ASIC2: variants seen among roughly 807,000 people sequenced by gnomAD.
The protein encoded by ASIC2 is acid sensing ion channel subunit 2, also known as acid-sensing ion channel 2.
A neutral mutation model predicts 57.3 loss-of-function variants in ASIC2; 25 were observed. That is an observed-to-expected ratio of 0.44 (90% CI 0.32 to 0.61). ASIC2 has a LOEUF of 0.61. Ranked by LOEUF, ASIC2 falls within the 20% of genes least tolerant of loss-of-function variation. ASIC2 has a pLI of 0.06. For synonymous variants in ASIC2, 319 were observed against 307.5 expected, an observed-to-expected ratio of 1.04 and a Z score of -0.39; for missense variants, 641 against 738.1, an observed-to-expected ratio of 0.87 and a Z score of 1.52.
chr17:33,813,753 C>T (rs530700861), intron 1 of ASIC2, among the ~76,000 whole-genome samples: 1 of 152,086 alleles, frequency 6.6e-6, no homozygotes, highest in African/African-American at 2.4e-5. Context: ...AAGTTTTAAA[C>T]AATGAGGGTA....
At chr17:33,380,277 G>GA (rs1368668347) in intron 1 of ASIC2, among the ~76,000 whole-genome samples, 13 of 129,954 alleles carry the variant, frequency 1.0e-4, no homozygotes, top group Non-Finnish European at 1.7e-5. Context: ...AAGAAAGAAA[G>GA]AAAGAAAGAA....
In ASIC2 at chr17:33,407,166, T is replaced by C. The variant is rs567597474; in HGVS notation, c.556-295099A>G. Among the ~76,000 whole-genome samples, 126 of 152,370 alleles carry C rather than the reference T, an allele frequency of 8.3e-4. 1 individual carries two copies. Among genetic ancestry groups the C allele is most frequent in the African/African-American group, 2.9e-3 (122 of 41,592 alleles). On this transcript the variant is annotated intron_variant, in intron 1 of 9. Transcript: ENST00000359872. ...TAATGATAGCAATAGCTGACATTTA[T>C]TGGGCATTCGCCAATGTGTTGGGAA...
chr17:33,709,156 C>G (rs568529696), intron 1 of ASIC2, among the ~76,000 whole-genome samples: 1 of 152,142 alleles, frequency 6.6e-6, no homozygotes, highest in Admixed American at 6.5e-5. Flanking sequence ...AACTCTGTAA[C>G]GCCGTAATCT....
chr17:33,480,762 C>G (rs975999035), intron 1 of ASIC2, among the ~76,000 whole-genome samples: 1 of 152,122 alleles, frequency 6.6e-6, no homozygotes, highest in African/African-American at 2.4e-5. Context: ...TAGAAACCCT[C>G]TACCCCAAAG....
chr17:33,578,382 A>G (rs1195607719), intron 1 of ASIC2, among the ~76,000 whole-genome samples: 2 of 152,136 alleles, frequency 1.3e-5, no homozygotes, highest in African/African-American at 4.8e-5. Flanking sequence ...GACACGTTAA[A>G]CCAGATGATT....
chr17:33,883,027 C>T (rs967308229), intron 1 of ASIC2, among the ~76,000 whole-genome samples: 11 of 152,066 alleles, frequency 7.2e-5, no homozygotes, highest in Non-Finnish European at 1.6e-4. Context: ...TGAAACACCA[C>T]ATGTTCTCAC....
At chr17:33,240,310 T>A (rs568881162) in intron 1 of ASIC2, among the ~76,000 whole-genome samples, 1 of 152,270 alleles carries the variant, frequency 6.6e-6, no homozygotes. Flanking sequence ...ACATCAGACC[T>A]GTGTGAACCT....
chr17:34,070,680 CCCA>C (rs1909365805), intron 1 of ASIC2: 1 of 152,456 alleles, frequency 6.6e-6, no homozygotes, highest in South Asian at 2.1e-4. Flanking sequence ...CTCTCCCACC[CCCA>C]CCACATGGGA....
At chr17:34,124,700 G>A (rs188073543) in intron 1 of ASIC2, among the ~76,000 whole-genome samples, 10 of 152,118 alleles carry the variant, frequency 6.6e-5, no homozygotes, top group African/African-American at 2.4e-4. Context: ...GCTCTTCTTG[G>A]GGGCCCCCTT....
rs185109236 is a variant in ASIC2, at chr17:33,527,925, T to C, written c.556-415858A>G. On this transcript the variant is annotated intron_variant, in intron 1 of 9. Coordinates refer to the ASIC2 transcript ENST00000359872. ...GATTAGATGATCTTTAAGGCCACTT[T>C]CGCTTTGACATTTTCTGTAGGAAGA... is the stretch of plus-strand genomic sequence containing the variant. Among the ~76,000 whole-genome samples, 16 of 152,262 alleles carry C rather than the reference T, an allele frequency of 1.1e-4. No homozygotes were observed. In the East Asian group the frequency reaches 3.1e-3, roughly 29 times the overall value.
intron 1 of ASIC2, among the ~76,000 whole-genome samples, chr17:33,155,178 C>A (rs1904949155): frequency 6.6e-6 from 1 of 152,250 alleles, no homozygotes; most frequent in Admixed American, 6.5e-5. Context: ...GAGCCCAGCG[C>A]CCAACCCCAC....
At chr17:34,079,034 GCCCCTCA>G (rs1909778715) in intron 1 of ASIC2, 3 of 152,172 alleles carry the variant, frequency 2.0e-5, no homozygotes, top group Admixed American at 1.3e-4. Context: ...CCATCTTGGT[GCCCCTCA>G]CCTGGACTCT....
At chr17:33,999,324 ATGTCTTTTGAT>A (rs550443545) in intron 1 of ASIC2, among the ~76,000 whole-genome samples, 32 of 152,120 alleles carry the variant, frequency 2.1e-4, no homozygotes, top group Non-Finnish European at 2.8e-4. Flanking sequence ...TAGTCACTGT[ATGTCTTTTGAT>A]TGGGGCATTT....
At chr17:33,164,099 C>A (rs1419187670) in intron 1 of ASIC2, among the ~76,000 whole-genome samples, 1 of 152,218 alleles carries the variant, frequency 6.6e-6, no homozygotes, top group East Asian at 1.9e-4. Context: ...CCCATGCTGA[C>A]ACACTTTGCT....
In ASIC2 at chr17:33,344,835, T is replaced by C. The variant is rs1907879796; in HGVS notation, c.556-232768A>G. On this transcript the variant is annotated intron_variant, in intron 1 of 9. Coordinates refer to the ASIC2 transcript ENST00000359872. Reference sequence around the variant, plus strand: ...CCATGTCTTAGCTCTGTATTCTTGGTGTCTGGCCTATATAGGGGCCAACAT... The same window carrying C: ...CCATGTCTTAGCTCTGTATTCTTGGCGTCTGGCCTATATAGGGGCCAACAT... Among the ~76,000 whole-genome samples the C allele has an allele frequency of 1.3e-5, 2 of 152,158 alleles. 1 individual carries two copies. The highest frequency in any genetic ancestry group is 1.3e-4 in the Admixed American group (2 of 15,288).
At chr17:33,069,626 C>A (rs2092059140) in intron 3 of ASIC2, among the ~76,000 whole-genome samples, 1 of 152,040 alleles carries the variant, frequency 6.6e-6, no homozygotes, top group East Asian at 1.9e-4. Context: ...TGTTCTGAAT[C>A]ATATTTTGTC....
intron 1 of ASIC2, among the ~76,000 whole-genome samples, chr17:33,736,071 G>A (rs1198040704): frequency 6.6e-6 from 1 of 152,034 alleles, no homozygotes; most frequent in Non-Finnish European, 1.5e-5. Flanking sequence ...TGAATCTTTA[G>A]TGCTTGATAC....
At chr17:33,344,934 T>C (rs1185930971) in intron 1 of ASIC2, among the ~76,000 whole-genome samples, 2 of 148,976 alleles carry the variant, frequency 1.3e-5, no homozygotes, top group African/African-American at 4.9e-5. Context: ...AAACCTTGGT[T>C]TTTTTTTTTT....
intron 1 of ASIC2, among the ~76,000 whole-genome samples, chr17:33,203,115 C>A (rs528640885): frequency 6.6e-6 from 1 of 152,192 alleles, no homozygotes; most frequent in Non-Finnish European, 1.5e-5. Flanking sequence ...TGGCTAAACA[C>A]CTAGGAGCCC....
Sources: allele counts gnomAD v4.1 joint callset (sites outside exome capture counted in the v4.1 genomes callset), GRCh38; gene constraint gnomAD v4.1.1; transcripts MANE v1.5; gene names NCBI Gene and HGNC (gene_info 2026-07-23, HGNC 2026-07-21).